RPS6KB1: variants seen among roughly 807,000 people sequenced by gnomAD.
RPS6KB1 encodes the protein ribosomal protein S6 kinase B1.
Under a neutral mutation model 70.2 loss-of-function variants are expected in RPS6KB1, and 12 were observed. That is an observed-to-expected ratio of 0.17 (90% CI 0.11 to 0.28). The LOEUF is 0.28. Ranked by LOEUF, RPS6KB1 falls within the 10% of genes least tolerant of loss-of-function variation. The probability of loss-of-function intolerance (pLI) is 1.00; values close to 1 mark genes in which losing one functional copy is unlikely to be tolerated. For missense variants in RPS6KB1, 270 were observed against 646.6 expected (o/e 0.42, Z 6.32); for synonymous variants, 175 against 211.2 (o/e 0.83, Z 1.49).
chr17:59,894,313 T>C (rs2041370248), intron 1 of RPS6KB1, among the ~76,000 whole-genome samples: 1 of 152,208 alleles, frequency 6.6e-6, no homozygotes. Context: ...AAATTGCACC[T>C]GAAGTTCAAA....
chr17:59,912,287 A>T (rs970562276), intron 2 of RPS6KB1: 6 of 227,232 alleles, frequency 2.6e-5, no homozygotes, highest in Non-Finnish European at 5.5e-5. Context: ...GCAAGGTCTG[A>T]TCCAGAAATA....
intron 5 of RPS6KB1, among the ~76,000 whole-genome samples, chr17:59,929,264 G>T (rs534707867): frequency 6.6e-6 from 1 of 151,912 alleles, no homozygotes; most frequent in Admixed American, 6.6e-5. Context: ...CCAGGTAGCT[G>T]GGATTACAGG....
At chr17:59,920,230 C>T (rs1374589548) in intron 4 of RPS6KB1, among the ~76,000 whole-genome samples, 1 of 152,120 alleles carries the variant, frequency 6.6e-6, no homozygotes, top group Non-Finnish European at 1.5e-5. Context: ...GTTGGCCAGG[C>T]TGGTCTCGAA....
At chr17:59,902,479 T>C (rs1040895967) in intron 1 of RPS6KB1, among the ~76,000 whole-genome samples, 5 of 152,180 alleles carry the variant, frequency 3.3e-5, no homozygotes, top group African/African-American at 1.2e-4. Context: ...TTCTGTTTTA[T>C]GGCTACAGTG....
chr17:59,897,215 TCA>T (rs1353442266), intron 1 of RPS6KB1, among the ~76,000 whole-genome samples: 1 of 152,226 alleles, frequency 6.6e-6, no homozygotes, highest in African/African-American at 2.4e-5. Flanking sequence ...AAAAGTGAAT[TCA>T]GATTCCTTTG....
chr17:59,944,917 G>A (rs2044833089), intron 13 of RPS6KB1, among the ~76,000 whole-genome samples: 1 of 151,338 alleles, frequency 6.6e-6, no homozygotes, highest in Non-Finnish European at 1.5e-5. Flanking sequence ...TCCTGCCTCA[G>A]CCTCCCGAGT....
chr17:59,902,083 A>T (rs1165153838), intron 1 of RPS6KB1, among the ~76,000 whole-genome samples: 3 of 123,900 alleles, frequency 2.4e-5, no homozygotes, highest in Admixed American at 8.3e-5. Context: ...ATGACCTTTT[A>T]TATTTGGTGG....
chr17:59,896,412 C>T (rs1160719443), intron 1 of RPS6KB1, among the ~76,000 whole-genome samples: 16 of 151,984 alleles, frequency 1.1e-4, no homozygotes, highest in Non-Finnish European at 1.0e-4. Flanking sequence ...CAGGCTGGTC[C>T]GGAACTTCCA....
rs2044252863 is a variant in RPS6KB1, at chr17:59,936,481, A to G, written c.1059A>G (p.Arg353=). The G allele has an allele frequency of 1.2e-6, 2 of 1,613,718 alleles. No homozygotes were observed. Among genetic ancestry groups the G allele is most frequent in the Non-Finnish European group, 1.7e-6 (2 of 1,179,802 alleles). ...TTTCCTAGGCTCATCCATTCTTTAG[A>G]CACATTAACTGGGAAGAACTTCTGG... ...AGEVQAHPFF[R]HINWEELLAR... Residue 353 remains arginine, a synonymous_variant, in exon 12 of 15, where the codon AGA becomes AGG. Coordinates refer to ENST00000225577, the MANE Select transcript of RPS6KB1 (RefSeq NM_003161.4).
At position 59,895,757 on chromosome 17, in the gene RPS6KB1, C is replaced by T. The variant is rs540349507; in HGVS notation, c.141+2432C>T. On this transcript the variant is annotated intron_variant, in intron 1 of 14. Transcript: ENST00000225577. ...AAGCGATTCTCGTGCCTCAGCCTTC[C>T]GAGTAGCTGGGACTACAGGCGCGCA... is the stretch of plus-strand genomic sequence containing the variant. Among the ~76,000 whole-genome samples the T allele has an allele frequency of 6.6e-5, 10 of 151,944 alleles. 1 individual carries two copies. Among genetic ancestry groups the T allele is most frequent in the South Asian group, 6.2e-4 (3 of 4,816 alleles).
chr17:59,905,679 T>G (rs921787268), intron 1 of RPS6KB1, among the ~76,000 whole-genome samples: 4 of 152,068 alleles, frequency 2.6e-5, no homozygotes, highest in African/African-American at 9.7e-5. Flanking sequence ...TAATTTTTTA[T>G]ATTTTTAGTA....
At chr17:59,927,111 T>C (rs1202638193) in intron 5 of RPS6KB1, among the ~76,000 whole-genome samples, 2 of 152,076 alleles carry the variant, frequency 1.3e-5, no homozygotes, top group African/African-American at 4.8e-5. Flanking sequence ...AGATGGAGTT[T>C]CACACTGGTC....
intron 1 of RPS6KB1, among the ~76,000 whole-genome samples, chr17:59,897,919 C>G (rs964591511): frequency 1.4e-5 from 2 of 147,680 alleles, no homozygotes; most frequent in African/African-American, 5.1e-5. Context: ...GAGCCAAGAT[C>G]ATACCACTGC....
Position 59,912,319 on chromosome 17 carries a change from T to C in RPS6KB1, c.192-365T>C, listed in dbSNP as rs142077511. The C allele has an allele frequency of 2.9e-3, 679 of 233,244 alleles. 6 individuals carry two copies. Among genetic ancestry groups the C allele is most frequent in the African/African-American group, 0.014 (614 of 44,272 alleles). The allele number at this position is 233,244 out of a possible 1,614,324, so 14.4% of individuals were successfully genotyped here. On this transcript the variant is annotated intron_variant, in intron 2 of 14. Transcript: ENST00000225577. ...AATACGGCCTCAATATGTGCGCCAG[T>C]GTTTCTATCAGTAAACGAAGGATAT...
chr17:59,938,475 CTT>C (rs1016830804), intron 12 of RPS6KB1, among the ~76,000 whole-genome samples: 1 of 151,478 alleles, frequency 6.6e-6, no homozygotes, highest in African/African-American at 2.4e-5. Context: ...TCTTAGGTCT[CTT>C]TTCATTTATA....
chr17:59,910,216 T>G (rs1056805932), intron 1 of RPS6KB1, among the ~76,000 whole-genome samples: 69 of 141,432 alleles, frequency 4.9e-4, no homozygotes, highest in Middle Eastern at 3.7e-3. Context: ...AAAACCCGGG[T>G]GCCTATAGTC....
At chr17:59,928,024 G>A (rs1372678932) in intron 5 of RPS6KB1, among the ~76,000 whole-genome samples, 2 of 151,618 alleles carry the variant, frequency 1.3e-5, no homozygotes, top group African/African-American at 2.4e-5. Context: ...TGGGTATGGT[G>A]GTGTGCTCCT....
chr17:59,921,975 GT>G (rs1568448504), intron 4 of RPS6KB1, among the ~76,000 whole-genome samples: 1 of 151,220 alleles, frequency 6.6e-6, no homozygotes, highest in African/African-American at 2.4e-5. Context: ...CAATTTGAGA[GT>G]TAACTGCAGA....
intron 13 of RPS6KB1, among the ~76,000 whole-genome samples, chr17:59,942,703 T>C (rs151303854): frequency 3.4e-4 from 52 of 152,224 alleles, no homozygotes; most frequent in Non-Finnish European, 6.2e-4. Context: ...TCTTATGGGA[T>C]GGGAAATAAG....
Sources: gnomAD v4.1 joint callset for allele counts (sites outside exome capture counted in the v4.1 genomes callset) on GRCh38, gnomAD v4.1.1 for gene constraint, MANE v1.5 for transcripts, NCBI Gene and HGNC (gene_info 2026-07-23, HGNC 2026-07-21) for gene names.